The following MCC variants were observed in gnomAD, a reference collection of about 807,000 sequenced individuals.
MCC encodes MCC regulator of Wnt signaling pathway.
Under a neutral mutation model 116.2 loss-of-function variants are expected in MCC, and 90 were observed. The observed-to-expected ratio is 0.77, with a 90% CI of 0.65 to 0.92. The LOEUF (loss-of-function observed/expected upper bound fraction) is 0.92, where lower values mean the gene tolerates loss of function less well. Among genes scored for constraint, MCC ranks in the 40% least tolerant of loss-of-function variants. The pLI, the probability that MCC is intolerant of heterozygous loss-of-function variation, is 0.00. For synonymous variants in MCC, 578 were observed against 510.5 expected (o/e 1.13, Z -1.78); for missense variants, 1,516 against 1,312.2 (o/e 1.16, Z -2.40).
intron 1 of MCC, among the ~76,000 whole-genome samples, chr5:113,458,129 G>C (rs59317861): frequency 0.034 from 5,121 of 152,248 alleles, 134 homozygotes; most frequent in African/African-American, 0.073. Context: ...GCCCGAGCTA[G>C]CAGTGGCAAC....
At chr5:113,225,083 T>G (rs1188094608) in intron 3 of MCC, among the ~76,000 whole-genome samples, 1 of 152,222 alleles carries the variant, frequency 6.6e-6, no homozygotes. Context: ...AATACTTTAT[T>G]TATCATCCAA....
intron 1 of MCC, among the ~76,000 whole-genome samples, chr5:113,487,616 AG>A (rs1309410949): frequency 6.6e-6 from 1 of 152,226 alleles, no homozygotes; most frequent in African/African-American, 2.4e-5. Flanking sequence ...AGAGCCGGGT[AG>A]GAGTCGGGTC....
At chr5:113,088,605 A>G (rs1755369060) in intron 8 of MCC, among the ~76,000 whole-genome samples, 1 of 152,012 alleles carries the variant, frequency 6.6e-6, no homozygotes, top group African/African-American at 2.4e-5. Context: ...AGACAGAGAG[A>G]CACAGGGAAG....
intron 2 of MCC, among the ~76,000 whole-genome samples, chr5:113,358,670 G>T (rs774712146): frequency 6.6e-6 from 1 of 152,134 alleles, no homozygotes; most frequent in East Asian, 1.9e-4. Context: ...CTACCTTTAT[G>T]AATTTAAAGC....
intron 3 of MCC, among the ~76,000 whole-genome samples, chr5:113,176,515 G>C (rs1761343423): frequency 6.6e-6 from 1 of 152,224 alleles, no homozygotes; most frequent in Admixed American, 6.5e-5. Context: ...AAGTCCAACA[G>C]CTAAGGGTGA....
In MCC at chr5:113,035,858, T is replaced by C. The variant is rs114357481; in HGVS notation, c.2757-6802A>G. On this transcript the variant is annotated intron_variant, in intron 17 of 18. Coordinates refer to ENST00000408903, the MANE Select transcript of MCC (RefSeq NM_001085377.2). ...ACTGTATCACATCATCCCGTTTCCT[T>C]CATGGTAATCACCACAATGTTTACT... 5.4e-3 allele frequency among the ~76,000 whole-genome samples: 818 copies of C among 152,296 alleles called. 5 individuals carry two copies. The highest frequency in any genetic ancestry group is 8.9e-3 in the Non-Finnish European group (604 of 68,040).
intron 8 of MCC, among the ~76,000 whole-genome samples, chr5:113,087,403 T>C (rs896045032): frequency 1.3e-5 from 2 of 152,114 alleles, no homozygotes; most frequent in East Asian, 1.9e-4. Context: ...GCCTAAAGAA[T>C]AGGAAAATAT....
intron 4 of MCC, among the ~76,000 whole-genome samples, chr5:113,144,097 G>C (rs1759348962): frequency 6.6e-6 from 1 of 152,178 alleles, no homozygotes; most frequent in African/African-American, 2.4e-5. Context: ...GGAATGAATG[G>C]ATGACGATAT....
At chr5:113,465,306 T>C (rs549208804) in intron 1 of MCC, among the ~76,000 whole-genome samples, 246 of 152,112 alleles carry the variant, frequency 1.6e-3, no homozygotes, top group African/African-American at 5.7e-3. Context: ...CACATGGAAG[T>C]AGGAAAAATG....
intron 1 of MCC, among the ~76,000 whole-genome samples, chr5:113,450,385 C>T (rs1771357087): frequency 6.6e-6 from 1 of 152,156 alleles, no homozygotes; most frequent in South Asian, 2.1e-4. Context: ...AGCTATGGGC[C>T]TCGCCTTGGT....
Position 113,104,368 on chromosome 5 carries a change from G to A in MCC, c.1028-13C>T. 1 of 1,597,530 alleles carries A rather than the reference G, an allele frequency of 6.3e-7. No individual in the cohort carries two copies. Among genetic ancestry groups the A allele is most frequent in the Non-Finnish European group, 8.5e-7 (1 of 1,169,906 alleles). On this transcript the variant is annotated splice_polypyrimidine_tract_variant and intron_variant, in intron 6 of 18. Coordinates refer to ENST00000408903, the MANE Select transcript of MCC (RefSeq NM_001085377.2). ...TCACTGCAGTTGTCTGTGAGTGAAT[G>A]AAGACAAAATGCGTTACACAGGGCA...
At chr5:113,061,599 T>C (rs1184784329) in intron 14 of MCC, among the ~76,000 whole-genome samples, 4 of 152,212 alleles carry the variant, frequency 2.6e-5, no homozygotes, top group African/African-American at 9.7e-5. Context: ...GGGTTGGCTA[T>C]CACTTTTATT....
chr5:113,468,453 T>C (rs959697083), intron 1 of MCC, among the ~76,000 whole-genome samples: 1 of 152,240 alleles, frequency 6.6e-6, no homozygotes, highest in Non-Finnish European at 1.5e-5. Flanking sequence ...GTGGTTTTTG[T>C]CTTTGGTTCT....
chr5:113,485,581 G>A (rs1230123351), intron 1 of MCC, among the ~76,000 whole-genome samples: 2 of 143,022 alleles, frequency 1.4e-5, no homozygotes, highest in Non-Finnish European at 1.5e-5. Flanking sequence ...TAGAATTTGG[G>A]GATGAAGAGG....
At chr5:113,245,938 C>A (rs1764558607) in intron 3 of MCC, among the ~76,000 whole-genome samples, 1 of 152,128 alleles carries the variant, frequency 6.6e-6, no homozygotes, top group African/African-American at 2.4e-5. Context: ...TCTCATGACA[C>A]TGAGGCCAAG....
rs1384789347 is a variant in MCC, at chr5:113,085,243, G to C, written c.1466C>G (p.Thr489Ser). The C allele has an allele frequency of 1.2e-6, 2 of 1,614,080 alleles. No homozygotes were observed. The highest frequency in any genetic ancestry group is 2.2e-5 in the East Asian group (1 of 44,876). ...GGGGTTAATCGGGCGGTTGGTGGAA[G>C]TGAGGCGGCCAGGGCTGGAGGGACC... ...ATGPSSPGRL[T>S]STNRPINPST... Residue 489 changes from threonine (T) to serine (S), a missense_variant, in exon 9 of 19, where the codon ACT becomes AGT. Thr to Ser is a moderately conservative substitution (Grantham distance 58). Coordinates refer to ENST00000408903, the MANE Select transcript of MCC (RefSeq NM_001085377.2).
rs570242285 is a variant in MCC at position 113,235,120 on chromosome 5, C to T, written c.628-83698G>A. 4.6e-5 allele frequency among the ~76,000 whole-genome samples: 7 copies of T among 152,172 alleles called. No homozygotes were observed. In the South Asian group the frequency reaches 1.2e-3, roughly 27 times the overall value. On this transcript the variant is annotated intron_variant, in intron 3 of 18. Coordinates refer to ENST00000408903, the MANE Select transcript of MCC (RefSeq NM_001085377.2). Reference sequence around the variant, plus strand: ...AGCTGATTCTGTTCCTAAAGCTGCCCGAGGTGAAAGGTGCCATATAAAACT... The same window carrying T: ...AGCTGATTCTGTTCCTAAAGCTGCCTGAGGTGAAAGGTGCCATATAAAACT...
intron 1 of MCC, among the ~76,000 whole-genome samples, chr5:113,454,804 C>T (rs1771498994): frequency 6.6e-6 from 1 of 152,114 alleles, no homozygotes; most frequent in African/African-American, 2.4e-5. Context: ...AATATTTTGC[C>T]TATTTTGTTA....
At chr5:113,111,154 A>G (rs945433919) in intron 6 of MCC, among the ~76,000 whole-genome samples, 2 of 152,254 alleles carry the variant, frequency 1.3e-5, no homozygotes, top group Non-Finnish European at 2.9e-5. Context: ...GTTTGGGGAA[A>G]GATCCACATA....
Sources: gnomAD v4.1 joint callset for allele counts (sites outside exome capture counted in the v4.1 genomes callset) on GRCh38, gnomAD v4.1.1 for gene constraint, MANE v1.5 for transcripts, NCBI Gene and HGNC (gene_info 2026-07-23, HGNC 2026-07-21) for gene names.